The following AMN1 variants were observed in gnomAD, a reference collection of about 807,000 sequenced individuals.
AMN1 encodes the protein antagonist of mitotic exit network 1 homolog.
In AMN1, 20 loss-of-function variants were observed where a neutral mutation model predicts 33.0. That is an observed-to-expected ratio of 0.61 (90% CI 0.43 to 0.88). AMN1 has a LOEUF of 0.88. AMN1 is among the 40% of genes least tolerant of loss of function. The pLI, the probability that AMN1 is intolerant of heterozygous loss-of-function variation, is 0.00. For synonymous variants in AMN1, 114 were observed against 111.9 expected (o/e 1.02, Z -0.12); for missense variants, 246 against 307.4 (o/e 0.80, Z 1.49).
At chr12:31,701,723 T>G (rs1939010022) in intron 3 of AMN1, 140 bp downstream of exon 3, 1 of 746,780 alleles carries the variant, frequency 1.3e-6, no homozygotes, top group East Asian at 3.2e-5. Context: ...TTTCTTAGTC[T>G]GAATGTTTTT....
intron 2 of AMN1, among the ~76,000 whole-genome samples, chr12:31,703,098 G>A (rs771924170): frequency 2.6e-5 from 4 of 151,650 alleles, no homozygotes; most frequent in Admixed American, 6.6e-5. Context: ...CCCACTGCCC[G>A]CCCCCAAGGG....
intron 1 of AMN1, among the ~76,000 whole-genome samples, chr12:31,722,384 T>C (rs529893775): frequency 6.6e-6 from 1 of 152,266 alleles, no homozygotes; most frequent in South Asian, 2.1e-4. Context: ...ATTCAACGGA[T>C]ATTTCACACC....
At chr12:31,679,700 C>T (rs1185906036) in intron 6 of AMN1, among the ~76,000 whole-genome samples, 1 of 152,172 alleles carries the variant, frequency 6.6e-6, no homozygotes, top group African/African-American at 2.4e-5. Context: ...TCCTCCATGT[C>T]TTTGAATACT....
At chr12:31,688,031 T>C (rs1203152668) in intron 6 of AMN1, among the ~76,000 whole-genome samples, 1 of 152,212 alleles carries the variant, frequency 6.6e-6, no homozygotes, top group African/African-American at 2.4e-5. Flanking sequence ...CTCAGCTCAC[T>C]GCAACCTCCA....
At chr12:31,703,014 G>A (rs1235203345) in intron 2 of AMN1, among the ~76,000 whole-genome samples, 1 of 152,220 alleles carries the variant, frequency 6.6e-6, no homozygotes, top group Non-Finnish European at 1.5e-5. Flanking sequence ...TGGGATTACA[G>A]GCGTGAGCCA....
intron 6 of AMN1, among the ~76,000 whole-genome samples, chr12:31,679,954 G>A (rs1441446010): frequency 6.6e-6 from 1 of 151,572 alleles, no homozygotes; most frequent in African/African-American, 2.4e-5. Context: ...GTGAAACCCT[G>A]TCTCTACTAA....
intron 5 of AMN1, among the ~76,000 whole-genome samples, chr12:31,692,592 A>AAT (rs1380142107): frequency 6.6e-6 from 1 of 152,188 alleles, no homozygotes; most frequent in Non-Finnish European, 1.5e-5. Flanking sequence ...CTGTTAAAAA[A>AAT]ATATTCATAC....
At chr12:31,693,896 C>T (rs1188269442) in intron 5 of AMN1, among the ~76,000 whole-genome samples, 1 of 151,762 alleles carries the variant, frequency 6.6e-6, no homozygotes, top group Non-Finnish European at 1.5e-5. Context: ...TTCTTGAAAT[C>T]CTGAGCTCAA....
intron 2 of AMN1, among the ~76,000 whole-genome samples, chr12:31,707,883 T>C (rs1260082493): frequency 6.6e-6 from 1 of 152,198 alleles, no homozygotes; most frequent in Non-Finnish European, 1.5e-5. Context: ...ATTGTGAAGA[T>C]TTCATGGACA....
intron 1 of AMN1, among the ~76,000 whole-genome samples, chr12:31,722,255 C>T (rs934905703): frequency 1.3e-5 from 2 of 152,004 alleles, no homozygotes; most frequent in Non-Finnish European, 2.9e-5. Context: ...GTTCAACCAA[C>T]GCCAGTCACA....
chr12:31,683,635 C>T lies in AMN1; in HGVS notation c.703+5372G>A, dbSNP rs1938127504. On this transcript the variant is annotated intron_variant, in intron 6 of 6. Coordinates refer to ENST00000281471, the MANE Select transcript of AMN1 (RefSeq NM_001113402.2). The surrounding 1 kb of genome is among the most constrained non-coding windows in gnomAD (Gnocchi z 4.1). ...TAAAAGGGGAAACCCCTTCTCTTGG[C>T]TCTCATTCTCTCTTGCCTGCCACCC... Among the ~76,000 whole-genome samples, 1 of 152,194 alleles carries T rather than the reference C, an allele frequency of 6.6e-6. No homozygotes were observed. The highest frequency in any genetic ancestry group is 1.5e-5 in the Non-Finnish European group (1 of 68,034).
rs1938339069 is a variant in AMN1 at position 31,687,975 on chromosome 12, A to G, written c.703+1032T>C. On this transcript the variant is annotated intron_variant, in intron 6 of 6. Coordinates refer to ENST00000281471, the MANE Select transcript of AMN1 (RefSeq NM_001113402.2). The surrounding 1 kb of genome is among the most constrained non-coding windows in gnomAD (Gnocchi z 4.1). ...CTGACTTTTTGTTTGTTTGTTTGAG[A>G]CGGAGTTTCGCTCTTGTTGCCCAGG... Among the ~76,000 whole-genome samples, 1 of 152,078 alleles carries G rather than the reference A, an allele frequency of 6.6e-6. No homozygotes were observed. The highest frequency in any genetic ancestry group is 2.1e-4 in the South Asian group (1 of 4,818).
intron 6 of AMN1, among the ~76,000 whole-genome samples, chr12:31,679,141 C>G (rs1409569444): frequency 6.6e-6 from 1 of 151,876 alleles, no homozygotes; most frequent in Non-Finnish European, 1.5e-5. Flanking sequence ...AACCCCGTCT[C>G]TATTTATAAA....
chr12:31,697,646 A>C (rs12822865), intron 4 of AMN1, 94 bp downstream of exon 4: 3 of 1,368,384 alleles, frequency 2.2e-6, no homozygotes, highest in Non-Finnish European at 3.1e-6. Flanking sequence ...TTCAACAAAA[A>C]CAAAATGAAC....
intron 1 of AMN1, among the ~76,000 whole-genome samples, chr12:31,722,559 C>A (rs1000353432): frequency 6.6e-6 from 1 of 152,086 alleles, no homozygotes; most frequent in African/African-American, 2.4e-5. Context: ...TTCATAGTCT[C>A]CTAGCCACCT....
chr12:31,679,359 T>C (rs866367695), intron 6 of AMN1, among the ~76,000 whole-genome samples: 1 of 151,906 alleles, frequency 6.6e-6, no homozygotes, highest in African/African-American at 2.4e-5. Flanking sequence ...AAACCCTATC[T>C]CTACTAAAAA....
At chr12:31,700,379 A>G (rs1158843544) in intron 3 of AMN1, among the ~76,000 whole-genome samples, 1 of 152,058 alleles carries the variant, frequency 6.6e-6, no homozygotes, top group Non-Finnish European at 1.5e-5. Context: ...ATAAATAAAA[A>G]TAAGTATTAA....
intron 2 of AMN1, among the ~76,000 whole-genome samples, chr12:31,703,474 C>T (rs1159832609): frequency 6.6e-6 from 1 of 152,070 alleles, no homozygotes; most frequent in South Asian, 2.1e-4. Flanking sequence ...TTGAAGTCCC[C>T]AGTGTGTATT....
chr12:31,684,766 C>T (rs1033820695), intron 6 of AMN1, among the ~76,000 whole-genome samples: 5 of 151,882 alleles, frequency 3.3e-5, no homozygotes, highest in East Asian at 1.9e-4. Context: ...CCACCGCGCC[C>T]GGCCTGGGAT....
Sources: gnomAD v4.1 joint callset for allele counts (sites outside exome capture counted in the v4.1 genomes callset) on GRCh38, gnomAD v4.1.1 for gene constraint, Gnocchi (gnomAD v3.1) non-coding constraint, MANE v1.5 for transcripts, NCBI Gene and HGNC (gene_info 2026-07-23, HGNC 2026-07-21) for gene names.